The following RHOA variants were observed in gnomAD, a reference collection of about 807,000 sequenced individuals.
RHOA encodes transforming protein RhoA.
RHOA carries 3 observed loss-of-function variants against 17.5 expected under a neutral mutation model. That is an observed-to-expected ratio of 0.17 (90% CI 0.08 to 0.44). The LOEUF is 0.44. Ranked by LOEUF, RHOA falls within the 20% of genes least tolerant of loss-of-function variation. The probability of loss-of-function intolerance (pLI) is 0.99; values close to 1 mark genes in which losing one functional copy is unlikely to be tolerated. For missense variants in RHOA, 56 were observed against 242.3 expected (o/e 0.23, Z 5.10); for synonymous variants, 98 against 88.4 (o/e 1.11, Z -0.61).
chr3:49,372,005 T>C (rs1434202978), intron 2 of RHOA, among the ~76,000 whole-genome samples: 1 of 152,212 alleles, frequency 6.6e-6, no homozygotes, highest in Non-Finnish European at 1.5e-5. Context: ...AATGTTAGGA[T>C]ACAACCAGTA....
rs371243176 is a variant in RHOA, at chr3:49,393,551, G to A, written c.-2-17960C>T. Reference sequence around the variant, plus strand: ...GGGATCAAGCGATCTACCTGCCTTGGCCTCCCAAAGTGCTCAGATTACAGG... The same window carrying A: ...GGGATCAAGCGATCTACCTGCCTTGACCTCCCAAAGTGCTCAGATTACAGG... On this transcript the variant is annotated intron_variant, in intron 1 of 4. Transcript: ENST00000418115. 2.0e-5 allele frequency among the ~76,000 whole-genome samples: 3 copies of A among 150,628 alleles called. No individual in the cohort carries two copies. In the East Asian group the frequency reaches 5.9e-4, roughly 29 times the overall value.
intron 1 of RHOA, among the ~76,000 whole-genome samples, chr3:49,390,512 C>T (rs1029437993): frequency 7.3e-5 from 11 of 151,514 alleles, no homozygotes; most frequent in African/African-American, 2.7e-4. Flanking sequence ...AATTCGCCTG[C>T]CTTGGCCTCT....
At position 49,359,252 on chromosome 3, in the gene RHOA, G is replaced by A. The variant is rs2047915277; in HGVS notation, c.*957C>T. 2 of 193,034 alleles carry A rather than the reference G, an allele frequency of 1.0e-5. No homozygotes were observed. Among genetic ancestry groups the A allele is most frequent in the Non-Finnish European group, 2.2e-5 (2 of 92,262 alleles). The allele number at this position is 193,034 out of a possible 1,614,324, so 12.0% of individuals were successfully genotyped here. On this transcript the variant is annotated 3_prime_UTR_variant, in exon 5 of 5. Coordinates refer to ENST00000418115, the MANE Select transcript of RHOA (RefSeq NM_001664.4). ...AGACTGAGTGCCACCCATGAGAACT[G>A]GTGGCTCCTCTGGGAGGGAACCTGG...
chr3:49,397,128 T>TC (rs2048629147), intron 1 of RHOA, among the ~76,000 whole-genome samples: 1 of 75,332 alleles, frequency 1.3e-5, no homozygotes, highest in Admixed American at 1.3e-4. Flanking sequence ...AAATCCTGTC[T>TC]CAAAAAAAAA....
At chr3:49,406,049 A>G (rs963970445) in intron 1 of RHOA, among the ~76,000 whole-genome samples, 1 of 152,190 alleles carries the variant, frequency 6.6e-6, no homozygotes, top group African/African-American at 2.4e-5. Context: ...AATAACTGGA[A>G]AAGTTAAACA....
intron 1 of RHOA, among the ~76,000 whole-genome samples, chr3:49,391,629 C>T (rs1575668339): frequency 1.3e-5 from 2 of 151,610 alleles, no homozygotes; most frequent in Admixed American, 6.6e-5. Flanking sequence ...CTACAACCTC[C>T]GCCTCCCCGG....
At chr3:49,371,913 C>T (rs139702858) in intron 2 of RHOA, among the ~76,000 whole-genome samples, 8 of 152,324 alleles carry the variant, frequency 5.3e-5, no homozygotes, top group African/African-American at 1.4e-4. Flanking sequence ...GCTTCCAAAA[C>T]ATACATACTG....
At chr3:49,367,309 A>G (rs1188101531) in intron 3 of RHOA, among the ~76,000 whole-genome samples, 1 of 141,016 alleles carries the variant, frequency 7.1e-6, no homozygotes, top group East Asian at 2.4e-4. Context: ...AGCTGCTGCA[A>G]TCCAGCCTGG....
At position 49,360,136 on chromosome 3, in the gene RHOA, A is replaced by G. The variant is rs1406897654; in HGVS notation, c.*73T>C. The G allele has an allele frequency of 7.1e-7, 1 of 1,401,922 alleles. No homozygotes were observed. Among genetic ancestry groups the G allele is most frequent in the African/African-American group, 1.4e-5 (1 of 69,124 alleles). 86.8% of individuals were successfully genotyped at this position (1,401,922 alleles called of 1,614,324 possible). A position where few individuals can be genotyped will look rare whatever the true frequency, so the allele number is the denominator to read the frequency against. ...AAATTATAGATAAATGAAAAAGGCC[A>G]GTAATCATACACTAAGATTAATAAA... On this transcript the variant is annotated 3_prime_UTR_variant, in exon 5 of 5. Transcript: ENST00000418115.
chr3:49,402,624 C>T (rs2048744504), intron 1 of RHOA, among the ~76,000 whole-genome samples: 1 of 151,672 alleles, frequency 6.6e-6, no homozygotes, highest in African/African-American at 2.4e-5. Flanking sequence ...CAGTGAGCCA[C>T]GATAGCACCA....
At chr3:49,411,094 T>C (rs4855877) in intron 1 of RHOA, among the ~76,000 whole-genome samples, 66,520 of 152,082 alleles carry the variant, frequency 0.44, 15,864 homozygotes, top group East Asian at 0.93. Flanking sequence ...CTAAGCAACA[T>C]TGCATCTATT....
intron 1 of RHOA, among the ~76,000 whole-genome samples, chr3:49,404,162 G>A (rs1019334568): frequency 7.2e-6 from 1 of 138,906 alleles, no homozygotes. Context: ...TTAGCTGGGC[G>A]CAGTGGCACA....
chr3:49,388,726 T>C (rs968026858), intron 1 of RHOA, among the ~76,000 whole-genome samples: 5 of 152,194 alleles, frequency 3.3e-5, no homozygotes, highest in East Asian at 1.9e-4. Flanking sequence ...ATAACTAATT[T>C]AGTATCTCAC....
intron 2 of RHOA, 96 bp from the exon 3 acceptor site, chr3:49,368,644 C>T (rs1469234021): frequency 7.4e-7 from 1 of 1,343,278 alleles, no homozygotes; most frequent in African/African-American, 1.5e-5. Context: ...AAATGGCAGA[C>T]CATTGAAATG....
intron 3 of RHOA, among the ~76,000 whole-genome samples, chr3:49,364,178 C>T (rs2048016591): frequency 6.6e-6 from 1 of 151,778 alleles, no homozygotes; most frequent in African/African-American, 2.4e-5. Flanking sequence ...GGTGAAACCC[C>T]ATCTCTATTA....
intron 1 of RHOA, among the ~76,000 whole-genome samples, chr3:49,389,113 G>A (rs28494622): frequency 0.037 from 5,630 of 151,130 alleles, 350 homozygotes; most frequent in African/African-American, 0.13. Context: ...AGGCCGAGGC[G>A]GGTGGAACAC....
intron 1 of RHOA, among the ~76,000 whole-genome samples, chr3:49,384,873 G>C (rs1353997098): frequency 1.3e-5 from 2 of 151,952 alleles, no homozygotes; most frequent in African/African-American, 4.8e-5. Flanking sequence ...CCAGCAGCCT[G>C]GCCAACATGG....
intron 1 of RHOA, among the ~76,000 whole-genome samples, chr3:49,407,008 T>TCACA (rs955247369): frequency 6.7e-6 from 1 of 150,324 alleles, no homozygotes; most frequent in Admixed American, 6.7e-5. Flanking sequence ...TCGGGCATGG[T>TCACA]CACACACACA....
chr3:49,410,633 G>A (rs1422534511), intron 1 of RHOA, among the ~76,000 whole-genome samples: 1 of 152,126 alleles, frequency 6.6e-6, no homozygotes, highest in Non-Finnish European at 1.5e-5. Flanking sequence ...CAGTATCTCC[G>A]CCAATCTAGC....
Sources: allele counts gnomAD v4.1 joint callset (sites outside exome capture counted in the v4.1 genomes callset), GRCh38; gene constraint gnomAD v4.1.1; transcripts MANE v1.5; gene names NCBI Gene and HGNC (gene_info 2026-07-23, HGNC 2026-07-21).